MOBP: variants seen among roughly 807,000 people sequenced by gnomAD.
MOBP encodes the protein myelin-associated oligodendrocyte basic protein.
A neutral mutation model predicts 15.0 loss-of-function variants in MOBP; 5 were observed. That is an observed-to-expected ratio of 0.33 (90% CI 0.17 to 0.70). MOBP has a LOEUF of 0.70. MOBP is among the 30% of genes least tolerant of loss of function. The pLI is 0.67. For synonymous variants in MOBP, 88 were observed against 99.0 expected (o/e 0.89, Z 0.66); for missense variants, 188 against 257.8 (o/e 0.73, Z 1.85).
At chr3:39,476,135 G>T (rs1241475118) in intron 1 of MOBP, among the ~76,000 whole-genome samples, 1 of 150,614 alleles carries the variant, frequency 6.6e-6, no homozygotes. Flanking sequence ...GAGAGAGAGA[G>T]GGAGGAGGTG....
chr3:39,480,887 G>A (rs1015798285), intron 2 of MOBP, among the ~76,000 whole-genome samples: 4 of 152,308 alleles, frequency 2.6e-5, no homozygotes, highest in East Asian at 3.9e-4. Flanking sequence ...CAGTGCAAAC[G>A]TCTAGCATCT....
chr3:39,491,978 C>T lies in MOBP; in HGVS notation c.-4-10088C>T, dbSNP rs148271475. Reference sequence around the variant, plus strand: ...ATAGTGTAGTGGGGGCCCTGCAAGCCTCTAGAAAAGGCTGCCCTCAGCCTC... The same window carrying T: ...ATAGTGTAGTGGGGGCCCTGCAAGCTTCTAGAAAAGGCTGCCCTCAGCCTC... On this transcript the variant is annotated intron_variant, in intron 2 of 3. Coordinates refer to ENST00000684792, the MANE Select transcript of MOBP (RefSeq NM_001393704.1). 9.3e-4 allele frequency among the ~76,000 whole-genome samples: 142 copies of T among 152,256 alleles called. No individual in the cohort carries two copies. The East Asian group carries it at 0.011, about 12-fold the overall frequency.
intron 2 of MOBP, among the ~76,000 whole-genome samples, chr3:39,500,375 A>T (rs899537907): frequency 7.2e-5 from 11 of 152,202 alleles, no homozygotes; most frequent in Non-Finnish European, 1.6e-4. Flanking sequence ...TACACCTTAA[A>T]TAACTCTAAC....
At chr3:39,500,751 C>A (rs919174281) in intron 2 of MOBP, among the ~76,000 whole-genome samples, 1 of 152,138 alleles carries the variant, frequency 6.6e-6, no homozygotes, top group Non-Finnish European at 1.5e-5. Flanking sequence ...GACACGGGAG[C>A]AGGATCCAGA....
intron 2 of MOBP, among the ~76,000 whole-genome samples, chr3:39,484,554 G>T (rs558389099): frequency 6.6e-6 from 1 of 152,208 alleles, no homozygotes; most frequent in East Asian, 1.9e-4. Context: ...AAAATTGTGG[G>T]AATATTCATC....
chr3:39,509,564 T>G (rs1204595696), intron 4 of MOBP, among the ~76,000 whole-genome samples: 2 of 152,172 alleles, frequency 1.3e-5, no homozygotes, highest in African/African-American at 4.8e-5. Context: ...TCGGATTGTT[T>G]TATTATTGTA....
chr3:39,468,788 G>GTGTGTATACATATATACATA (rs1575275431), intron 1 of MOBP, among the ~76,000 whole-genome samples: 12 of 48,612 alleles, frequency 2.5e-4, no homozygotes, highest in East Asian at 8.3e-4. Context: ...ATATATACAT[G>GTGTGTATACATATATACATA]TGTGTGTATA....
At chr3:39,519,935 C>G (rs1300452732), downstream of MOBP, among the ~76,000 whole-genome samples, 1 of 150,848 alleles carries the variant, frequency 6.6e-6, no homozygotes, top group African/African-American at 2.4e-5. Context: ...CACCTCAATG[C>G]GTACATCTCT....
At chr3:39,474,058 A>G (rs1355742728) in intron 1 of MOBP, among the ~76,000 whole-genome samples, 1 of 152,188 alleles carries the variant, frequency 6.6e-6, no homozygotes, top group Non-Finnish European at 1.5e-5. Flanking sequence ...ACACAGAGAG[A>G]CAGGAGCTAA....
At chr3:39,479,625 A>C (rs2042598361) in intron 1 of MOBP, among the ~76,000 whole-genome samples, 1 of 152,132 alleles carries the variant, frequency 6.6e-6, no homozygotes, top group South Asian at 2.1e-4. Flanking sequence ...GATATTCCTT[A>C]GGCTCCTTTC....
intron 3 of MOBP, among the ~76,000 whole-genome samples, chr3:39,522,355 G>A (rs1256357081): frequency 1.3e-5 from 2 of 152,282 alleles, no homozygotes; most frequent in East Asian, 3.9e-4. Flanking sequence ...ACTTATTTGT[G>A]TACTTGATTA....
chr3:39,520,608 G>A (rs922751962), downstream of MOBP, among the ~76,000 whole-genome samples: 4 of 151,732 alleles, frequency 2.6e-5, no homozygotes, highest in Admixed American at 2.0e-4. Context: ...GAGAGAGAGA[G>A]AAGAGAGAGA....
chr3:39,525,836 C>T (rs2043317114), downstream of MOBP: 1 of 152,426 alleles, frequency 6.6e-6, no homozygotes, highest in Non-Finnish European at 1.5e-5. Context: ...GGCTTCCTCA[C>T]TTGGGGAGAC....
At chr3:39,521,782 A>G (rs1426444150) in intron 3 of MOBP, among the ~76,000 whole-genome samples, 1 of 152,200 alleles carries the variant, frequency 6.6e-6, no homozygotes, top group Non-Finnish European at 1.5e-5. Context: ...TTGATGCCAA[A>G]ACTCATGCAA....
intron 2 of MOBP, among the ~76,000 whole-genome samples, chr3:39,494,796 C>CCCCCCCCCA (rs3036570): frequency 1.7e-5 from 2 of 117,394 alleles, no homozygotes; most frequent in Non-Finnish European, 3.5e-5. Context: ...CCCCCCGCCC[C>CCCCCCCCCA]CCGAGTTACG....
rs1009247847 is a variant in MOBP at position 39,508,185 on chromosome 3, A to T, written c.*-5198A>T. 1.1e-3 allele frequency among the ~76,000 whole-genome samples: 163 copies of T among 152,344 alleles called. 1 individual carries two copies. Among genetic ancestry groups the T allele is most frequent in the Non-Finnish European group, 1.1e-3 (77 of 68,030 alleles). ...CATGCATTCAGACAAAAAAGGAAGC[A>T]TGTACCTCAAAAGTGTCATGTATGC... On this transcript the variant is annotated intron_variant, in intron 4 of 4. Coordinates refer to the MOBP transcript ENST00000311042.
exon 5 of MOBP, chr3:39,514,767 G>A (rs953568220): frequency 1.3e-5 from 2 of 152,332 alleles, no homozygotes; most frequent in African/African-American, 2.4e-5. Context: ...CCCACTATCT[G>A]TAGCCCAAAA....
At chr3:39,529,450 C>G (rs2125679827), downstream of MOBP, 2 of 152,190 alleles carry the variant, frequency 1.3e-5, no homozygotes, top group South Asian at 4.2e-4. Context: ...TCTGTAAGAA[C>G]TAAATGTATA....
intron 2 of MOBP, among the ~76,000 whole-genome samples, chr3:39,489,884 G>A (rs182517456): frequency 9.2e-5 from 14 of 152,280 alleles, no homozygotes; most frequent in African/African-American, 3.1e-4. Flanking sequence ...GTTGCTATTA[G>A]AGAAGTATTT....
Sources: allele counts gnomAD v4.1 joint callset (sites outside exome capture counted in the v4.1 genomes callset), GRCh38; gene constraint gnomAD v4.1.1; transcripts MANE v1.5; gene names NCBI Gene and HGNC (gene_info 2026-07-23, HGNC 2026-07-21).